The following KCTD15 variants were observed in gnomAD, a reference collection of about 807,000 sequenced individuals.
KCTD15 encodes BTB/POZ domain-containing protein KCTD15.
A neutral mutation model predicts 27.2 loss-of-function variants in KCTD15; 11 were observed. The ratio of observed to expected loss-of-function variants is 0.41; its 90% confidence interval spans 0.25 to 0.67. KCTD15 has a LOEUF of 0.67. KCTD15 is among the 30% of genes least tolerant of loss of function. KCTD15 has a pLI of 0.35. For synonymous variants in KCTD15, 163 were observed against 176.0 expected, an observed-to-expected ratio of 0.93 and a Z score of 0.58; for missense variants, 350 against 409.3, an observed-to-expected ratio of 0.86 and a Z score of 1.25.
At chr19:33,810,246 G>T (rs2145487712) in intron 5 of KCTD15, among the ~76,000 whole-genome samples, 1 of 152,340 alleles carries the variant, frequency 6.6e-6, no homozygotes, top group Non-Finnish European at 1.5e-5. Context: ...TAGCCCAGAA[G>T]GGGGCTGCGT....
chr19:33,806,730 G>C (rs1975722765), intron 4 of KCTD15, 133 bp from the exon 5 acceptor site: 8 of 1,006,234 alleles, frequency 8.0e-6, no homozygotes, highest in East Asian at 7.2e-5. Context: ...GCCTGGAACA[G>C]TTCCAGAGTC....
rs1976071422 is a variant in KCTD15 at position 33,815,684 on chromosome 19, ATG to A, written c.*2740_*2741del. The A allele has an allele frequency of 1.3e-5, 1 of 79,914 alleles. No homozygotes were observed. Among genetic ancestry groups the A allele is most frequent in the Non-Finnish European group, 2.3e-5 (1 of 44,060 alleles). The allele number at this position is 79,914 out of a possible 1,614,324, so 5.0% of individuals were successfully genotyped here. A position where few individuals can be genotyped will look rare whatever the true frequency, so the allele number is the denominator to read the frequency against. ...CAACACTAAGAATATCTTTCAAAAA[ATG>A]TGTCTTTTTTTTTTTTTTTTTTAAA... On this transcript the variant is annotated 3_prime_UTR_variant, in exon 7 of 7. Transcript: ENST00000683859.
intron 4 of KCTD15, among the ~76,000 whole-genome samples, chr19:33,802,327 C>T (rs1038997371): frequency 6.6e-6 from 1 of 152,178 alleles, no homozygotes; most frequent in South Asian, 2.1e-4. Flanking sequence ...TTAATTAATC[C>T]CCCAGATACT....
At chr19:33,810,334 G>A (rs959936654) in intron 5 of KCTD15, among the ~76,000 whole-genome samples, 1 of 152,190 alleles carries the variant, frequency 6.6e-6, no homozygotes, top group Non-Finnish European at 1.5e-5. Context: ...CAGGCACTTG[G>A]CACATCTTGC....
intron 5 of KCTD15, 64 bp from the exon 6 acceptor site, chr19:33,811,183 C>CAACCCCCA: frequency 3.6e-6 from 3 of 833,772 alleles, no homozygotes; most frequent in East Asian, 3.1e-5. Flanking sequence ...CGCCTCCCCT[C>CAACCCCCA]TCCCCCTTCC....
chr19:33,812,175 T>C (rs1975946557), intron 6 of KCTD15: 8 of 1,153,354 alleles, frequency 6.9e-6, no homozygotes, highest in Non-Finnish European at 8.5e-6. Flanking sequence ...ACTTGCTAGT[T>C]GCAGGAGACG....
rs1316861183 is a variant in KCTD15 at position 33,811,300 on chromosome 19, G to C, written c.441G>C (p.Val147=). The C allele has an allele frequency of 1.9e-6, 3 of 1,547,536 alleles. No individual in the cohort carries two copies. Among genetic ancestry groups the C allele is most frequent in the South Asian group, 2.4e-5 (2 of 83,990 alleles). ...EARYYQLQPM[V]RELERWQQEQ... ...GCTACTATCAGCTCCAGCCCATGGT[G>C]CGCGAGCTGGAGCGCTGGCAGCAGG... The change falls in exon 6 of 7, where the codon GTG becomes GTC. Residue 147 remains valine, a synonymous_variant. Coordinates refer to ENST00000683859, the MANE Select transcript of KCTD15 (RefSeq NM_001129994.2).
chr19:33,811,626 G>T (rs1259734914), intron 6 of KCTD15, 74 bp downstream of exon 6: 1 of 1,542,420 alleles, frequency 6.5e-7, no homozygotes. Flanking sequence ...AGAGTGAGCT[G>T]GAGGGAGGCG....
At chr19:33,794,776 G>A (rs1975267546), upstream of KCTD15, among the ~76,000 whole-genome samples, 1 of 152,270 alleles carries the variant, frequency 6.6e-6, no homozygotes, top group South Asian at 2.1e-4. Flanking sequence ...ATTTGTGTCT[G>A]GTCCCTCAAT....
intron 6 of KCTD15, 198 bp downstream of exon 6, chr19:33,811,750 T>TA (rs763279587): frequency 9.4e-6 from 15 of 1,588,636 alleles, no homozygotes; most frequent in South Asian, 4.6e-5. Context: ...GGGATGGACT[T>TA]AAAAAAATCG....
intron 5 of KCTD15, 113 bp from the exon 6 acceptor site, chr19:33,811,134 G>C (rs1975889742): frequency 1.2e-6 from 1 of 868,526 alleles, no homozygotes. Flanking sequence ...AATACCCTGC[G>C]AGTCGCAGTT....
rs558869002 is a variant in KCTD15, at chr19:33,806,040, C to T, written c.243-823C>T. On this transcript the variant is annotated intron_variant, in intron 4 of 6. Transcript: ENST00000683859. ...GCCACCACTAGGTGTGGTGTGCATA[C>T]GCTCTGGCATGTGTGCACATATGTA... Among the ~76,000 whole-genome samples, 12 of 152,376 alleles carry T rather than the reference C, an allele frequency of 7.9e-5. No individual in the cohort carries two copies. In the South Asian group the frequency reaches 8.3e-4, roughly 11 times the overall value.
At chr19:33,806,296 T>A (rs1221088229) in intron 4 of KCTD15, among the ~76,000 whole-genome samples, 2 of 152,278 alleles carry the variant, frequency 1.3e-5, no homozygotes, top group Admixed American at 1.3e-4. Context: ...CCTGGATGTG[T>A]CTGGATCTGC....
At chr19:33,804,703 T>C (rs965520451) in intron 4 of KCTD15, among the ~76,000 whole-genome samples, 5 of 152,168 alleles carry the variant, frequency 3.3e-5, no homozygotes, top group African/African-American at 1.2e-4. Flanking sequence ...CTAGGCCAGG[T>C]CCTAGGGCCT....
chr19:33,813,333 C>G lies in KCTD15; in HGVS notation c.*385C>G. 1 of 501,498 alleles carries G rather than the reference C, an allele frequency of 2.0e-6. No homozygotes were observed. Among genetic ancestry groups the G allele is most frequent in the South Asian group, 1.5e-5 (1 of 64,610 alleles). 31.1% of individuals were successfully genotyped at this position (501,498 alleles called of 1,614,324 possible). A position where few individuals can be genotyped will look rare whatever the true frequency, so the allele number is the denominator to read the frequency against. ...ACGCGGGGCAGACTCTGGCGGGTCT[C>G]CTAGCGTCCGAGAGATGGCTTATTT... On this transcript the variant is annotated 3_prime_UTR_variant, in exon 7 of 7. Coordinates refer to ENST00000683859, the MANE Select transcript of KCTD15 (RefSeq NM_001129994.2).
At chr19:33,798,016 C>T (rs1975402389) in intron 1 of KCTD15, among the ~76,000 whole-genome samples, 1 of 152,134 alleles carries the variant, frequency 6.6e-6, no homozygotes, top group Non-Finnish European at 1.5e-5. Context: ...CGCGGCGCCT[C>T]CAGCCTTGGC....
Position 33,815,566 on chromosome 19 carries a change from AC to A in KCTD15, c.*2620del, listed in dbSNP as rs1420850844. 6.6e-6 allele frequency: 1 copy of A among 152,056 alleles called. No homozygotes were observed. The highest frequency in any genetic ancestry group is 1.5e-5 in the Non-Finnish European group (1 of 68,010). 9.4% of individuals were successfully genotyped at this position (152,056 alleles called of 1,614,324 possible). On this transcript the variant is annotated 3_prime_UTR_variant, in exon 7 of 7. Transcript: ENST00000683859. ...CCATGCCAAAGCTTCCCCGTTTCCC[AC>A]CAAACCCCTGCCAGTGAGTGCAGAG...
rs1462674559 is a variant in KCTD15, at chr19:33,801,300, ACACCAGCAGCCTGGC to A, written c.204_218del (p.Ser69_Thr73del). 2.5e-6 allele frequency: 4 copies of A among 1,612,412 alleles called. No individual in the cohort carries two copies. The highest frequency in any genetic ancestry group is 1.7e-5 in the Admixed American group (1 of 59,836). On this transcript the variant is annotated inframe_deletion, in exon 4 of 7. Coordinates refer to ENST00000683859, the MANE Select transcript of KCTD15 (RefSeq NM_001129994.2). ...CACATCGATGTGGGCGGCCACATGT[ACACCAGCAGCCTGGC>A]CACGCTCACCAAGTACCCTGACTCC...
At chr19:33,795,132 T>C (rs1019522522), upstream of KCTD15, among the ~76,000 whole-genome samples, 10 of 152,256 alleles carry the variant, frequency 6.6e-5, no homozygotes, top group Admixed American at 6.5e-4. Context: ...GCTATTTAAA[T>C]CTATAAATTT....
Sources: gnomAD v4.1 joint callset for allele counts (sites outside exome capture counted in the v4.1 genomes callset) on GRCh38, gnomAD v4.1.1 for gene constraint, MANE v1.5 for transcripts, NCBI Gene and HGNC (gene_info 2026-07-23, HGNC 2026-07-21) for gene names.